DLG2: variants seen among roughly 807,000 people sequenced by gnomAD.
The protein encoded by DLG2 is discs large MAGUK scaffold protein 2.
DLG2 carries 45 observed loss-of-function variants against 132.5 expected under a neutral mutation model. The observed-to-expected ratio is 0.34, with a 90% CI of 0.27 to 0.44. The LOEUF (loss-of-function observed/expected upper bound fraction) is 0.44, where lower values mean the gene tolerates loss of function less well. Ranked by LOEUF, DLG2 falls within the 20% of genes least tolerant of loss-of-function variation. The pLI is 1.00. For synonymous variants in DLG2, 424 were observed against 419.6 expected (o/e 1.01, Z -0.13); for missense variants, 1,045 against 1,196.9 (o/e 0.87, Z 1.87).
At chr11:85,474,952 G>C (rs1370117664) in intron 3 of DLG2, among the ~76,000 whole-genome samples, 3 of 150,516 alleles carry the variant, frequency 2.0e-5, no homozygotes, top group Non-Finnish European at 3.0e-5. Context: ...TTAAAAGGCA[G>C]AAAAATATAA....
At chr11:83,469,771 T>C (rs1229787519) in intron 24 of DLG2, among the ~76,000 whole-genome samples, 1 of 152,168 alleles carries the variant, frequency 6.6e-6, no homozygotes, top group Non-Finnish European at 1.5e-5. Flanking sequence ...AAGGTTACTC[T>C]AGACTTACTC....
At chr11:84,220,764 TTTTTCTTTTTC>T (rs1248711316) in intron 8 of DLG2, among the ~76,000 whole-genome samples, 18 of 147,028 alleles carry the variant, frequency 1.2e-4, no homozygotes, top group African/African-American at 4.2e-4. Context: ...ACGTGCTTTT[TTTTTCTTTTTC>T]TTTTCTTTTT....
intron 7 of DLG2, among the ~76,000 whole-genome samples, chr11:84,251,775 C>T (rs1488126749): frequency 5.3e-5 from 8 of 151,292 alleles, no homozygotes; most frequent in Non-Finnish European, 7.4e-5. Flanking sequence ...CAAGTAGCTA[C>T]GACTACAGGC....
intron 3 of DLG2, among the ~76,000 whole-genome samples, chr11:85,537,996 A>G (rs2075712438): frequency 6.6e-6 from 1 of 151,858 alleles, no homozygotes; most frequent in Non-Finnish European, 1.5e-5. Context: ...GGCACCTGTA[A>G]TCCCAGCTAC....
chr11:84,194,671 C>A (rs1164957274), intron 8 of DLG2, among the ~76,000 whole-genome samples: 2 of 152,172 alleles, frequency 1.3e-5, no homozygotes, highest in African/African-American at 2.4e-5. Context: ...TATTTACAAA[C>A]CTTTAGCTAG....
chr11:83,760,899 T>C (rs2093877590), intron 18 of DLG2, among the ~76,000 whole-genome samples: 2 of 152,232 alleles, frequency 1.3e-5, no homozygotes, highest in South Asian at 2.1e-4. Context: ...GGGTTGTCTC[T>C]ATAAAAATAT....
chr11:83,964,372 A>G (rs2089682063), intron 13 of DLG2, among the ~76,000 whole-genome samples: 1 of 152,046 alleles, frequency 6.6e-6, no homozygotes, highest in Non-Finnish European at 1.5e-5. Context: ...CAGAATCATC[A>G]TTAAGAAAAG....
At chr11:84,236,407 A>C (rs1403821550) in intron 8 of DLG2, among the ~76,000 whole-genome samples, 1 of 152,228 alleles carries the variant, frequency 6.6e-6, no homozygotes, top group African/African-American at 2.4e-5. Context: ...AGGTTCTACA[A>C]TAACCTACCT....
chr11:84,802,503 C>T (rs538830512), intron 6 of DLG2, among the ~76,000 whole-genome samples: 1 of 152,106 alleles, frequency 6.6e-6, no homozygotes, highest in African/African-American at 2.4e-5. Context: ...ACAGGAGCTA[C>T]GGTTATGGAG....
chr11:84,044,060 G>T (rs1005452622), intron 11 of DLG2, among the ~76,000 whole-genome samples: 2 of 151,368 alleles, frequency 1.3e-5, no homozygotes, highest in African/African-American at 4.9e-5. Flanking sequence ...AGGTTATGAA[G>T]ACCAAGATCA....
At chr11:84,502,338 CT>C (rs1300083139) in intron 7 of DLG2, among the ~76,000 whole-genome samples, 3 of 31,336 alleles carry the variant, frequency 9.6e-5, no homozygotes, top group African/African-American at 2.1e-4. Context: ...TTCTTTCTTT[CT>C]TTCTTTCTTT....
At chr11:84,683,964 G>A (rs2099735827) in intron 6 of DLG2, among the ~76,000 whole-genome samples, 1 of 152,116 alleles carries the variant, frequency 6.6e-6, no homozygotes, top group African/African-American at 2.4e-5. Context: ...AAAGCATCTT[G>A]AATTTACAAA....
chr11:83,815,516 A>G (rs2048629253), intron 17 of DLG2, among the ~76,000 whole-genome samples: 1 of 152,154 alleles, frequency 6.6e-6, no homozygotes, highest in African/African-American at 2.4e-5. Context: ...TGTTGGTGAC[A>G]CAGATTTATC....
intron 3 of DLG2, among the ~76,000 whole-genome samples, chr11:85,392,624 T>A (rs768494299): frequency 9.2e-5 from 14 of 152,062 alleles, no homozygotes; most frequent in Non-Finnish European, 2.9e-5. Flanking sequence ...AAAACAGGCA[T>A]ATAGACCAAT....
intron 3 of DLG2, among the ~76,000 whole-genome samples, chr11:85,515,866 A>G (rs971466752): frequency 2.6e-5 from 4 of 152,020 alleles, no homozygotes; most frequent in Non-Finnish European, 2.9e-5. Context: ...CTAAATCCTT[A>G]TCATAGTCTA....
intron 18 of DLG2, among the ~76,000 whole-genome samples, chr11:83,724,134 A>G (rs966373321): frequency 6.6e-6 from 1 of 152,162 alleles, no homozygotes; most frequent in Non-Finnish European, 1.5e-5. Context: ...ACTACTACTA[A>G]TCTTTAAACA....
At chr11:85,399,622 T>G (rs1173401724) in intron 3 of DLG2, among the ~76,000 whole-genome samples, 1 of 152,012 alleles carries the variant, frequency 6.6e-6, no homozygotes, top group East Asian at 1.9e-4. Context: ...TCAGAAATAA[T>G]GCCACATATC....
chr11:83,962,679 A>C (rs778710570), intron 14 of DLG2, among the ~76,000 whole-genome samples: 18 of 152,070 alleles, frequency 1.2e-4, no homozygotes, highest in Non-Finnish European at 2.2e-4. Context: ...AGTGTATCTT[A>C]CTATTTATTC....
intron 6 of DLG2, among the ~76,000 whole-genome samples, chr11:84,760,988 G>A (rs894109621): frequency 6.6e-6 from 1 of 152,124 alleles, no homozygotes; most frequent in African/African-American, 2.4e-5. Context: ...TTGCACCCAC[G>A]TGTGATCTGA....
Sources: allele counts gnomAD v4.1 joint callset (sites outside exome capture counted in the v4.1 genomes callset), GRCh38; gene constraint gnomAD v4.1.1; transcripts MANE v1.5; gene names NCBI Gene and HGNC (gene_info 2026-07-23, HGNC 2026-07-21).